The following TRHDE variants were observed in gnomAD, a reference collection of about 807,000 sequenced individuals.
TRHDE encodes thyrotropin releasing hormone degrading enzyme, also known as thyrotropin-releasing hormone-degrading ectoenzyme.
In TRHDE, 72 loss-of-function variants were observed where a neutral mutation model predicts 125.7. That is an observed-to-expected ratio of 0.57 (90% CI 0.47 to 0.70). TRHDE has a LOEUF of 0.70. TRHDE is among the 30% of genes least tolerant of loss of function. The pLI is 0.00. For synonymous variants in TRHDE, 509 were observed against 509.1 expected (o/e 1.00, Z 0.00); for missense variants, 1,110 against 1,327.1 (o/e 0.84, Z 2.54).
At chr12:72,604,494 TAAC>T (rs1872347260) in intron 12 of TRHDE, among the ~76,000 whole-genome samples, 1 of 152,074 alleles carries the variant, frequency 6.6e-6, no homozygotes, top group Admixed American at 6.5e-5. Flanking sequence ...TATTAAATAA[TAAC>T]AACAATGACT....
At chr12:72,160,564 C>T (rs1210847206) in intron 2 of TRHDE, among the ~76,000 whole-genome samples, 1 of 152,092 alleles carries the variant, frequency 6.6e-6, no homozygotes, top group Non-Finnish European at 1.5e-5. Context: ...TGGAGGGCAC[C>T]TGTAATCCCA....
chr12:72,126,503 G>A (rs149288758), intron 2 of TRHDE, among the ~76,000 whole-genome samples: 1 of 152,122 alleles, frequency 6.6e-6, no homozygotes, highest in African/African-American at 2.4e-5. Flanking sequence ...TCCAAAAACA[G>A]ACACAAGGAA....
chr12:72,472,897 G>A (rs1375926466), intron 4 of TRHDE, among the ~76,000 whole-genome samples, 170 bp from the exon 5 acceptor site: 18 of 152,092 alleles, frequency 1.2e-4, no homozygotes, highest in Admixed American at 1.2e-3. Context: ...TGTCACCCAA[G>A]TACTCAGATA....
At chr12:72,416,796 A>G (rs1001687142) in intron 3 of TRHDE, among the ~76,000 whole-genome samples, 17 of 152,046 alleles carry the variant, frequency 1.1e-4, no homozygotes, top group Non-Finnish European at 2.1e-4. Flanking sequence ...ATATAATTTG[A>G]AGTTAGGTAA....
intron 1 of TRHDE, among the ~76,000 whole-genome samples, chr12:72,091,945 CTCT>C (rs1460789710): frequency 1.8e-4 from 28 of 152,262 alleles, no homozygotes; most frequent in African/African-American, 5.5e-4. Context: ...GCAGAGAGCT[CTCT>C]TCTTCTTCCC....
intron 15 of TRHDE, among the ~76,000 whole-genome samples, chr12:72,632,296 A>T (rs10161229): frequency 6.6e-6 from 1 of 151,970 alleles, no homozygotes; most frequent in African/African-American, 2.4e-5. Flanking sequence ...GCTTTATATG[A>T]TAGCAGGTAC....
intron 3 of TRHDE, among the ~76,000 whole-genome samples, chr12:72,462,159 T>C (rs1461997255): frequency 6.6e-6 from 1 of 152,136 alleles, no homozygotes; most frequent in Non-Finnish European, 1.5e-5. Context: ...TGGATTGTGA[T>C]TGAGATGCTG....
chr12:72,150,817 T>C (rs1176031021), intron 2 of TRHDE, among the ~76,000 whole-genome samples: 1 of 151,926 alleles, frequency 6.6e-6, no homozygotes, highest in South Asian at 2.1e-4. Context: ...ATTTGGGTTG[T>C]TTCCAAGTCT....
At chr12:72,114,944 A>C (rs1254367245) in intron 2 of TRHDE, among the ~76,000 whole-genome samples, 2 of 152,076 alleles carry the variant, frequency 1.3e-5, no homozygotes, top group African/African-American at 4.8e-5. Flanking sequence ...TATTTAAAAA[A>C]ATTTCTTATT....
chr12:72,539,054 A>AT (rs1287150496), intron 6 of TRHDE, among the ~76,000 whole-genome samples: 1 of 152,006 alleles, frequency 6.6e-6, no homozygotes, highest in East Asian at 1.9e-4. Context: ...TATTCCTGTC[A>AT]TAACATGCAA....
At chr12:72,257,903 G>C (rs1184445499) in intron 2 of TRHDE, 1 of 152,114 alleles carries the variant, frequency 6.6e-6, no homozygotes, top group African/African-American at 2.4e-5. Context: ...ATAGGAGCAA[G>C]AAAAATTGCT....
At chr12:72,580,058 A>AT (rs948977563) in intron 12 of TRHDE, among the ~76,000 whole-genome samples, 2 of 152,154 alleles carry the variant, frequency 1.3e-5, no homozygotes, top group Admixed American at 1.3e-4. Flanking sequence ...TTTTAGAGTC[A>AT]TTTTGACAAA....
At chr12:72,617,604 A>G (rs969015272) in intron 12 of TRHDE, among the ~76,000 whole-genome samples, 7 of 146,742 alleles carry the variant, frequency 4.8e-5, no homozygotes, top group African/African-American at 1.1e-4. Context: ...CCTCTTCCCT[A>G]TGTTAACAGT....
chr12:72,578,226 G>A (rs1417587788), intron 12 of TRHDE, among the ~76,000 whole-genome samples: 2 of 152,124 alleles, frequency 1.3e-5, no homozygotes, highest in African/African-American at 2.4e-5. Flanking sequence ...AACCAGTGGA[G>A]TGGGTGTGGT....
At chr12:72,385,700 A>C (rs1872381378) in intron 3 of TRHDE, among the ~76,000 whole-genome samples, 1 of 152,090 alleles carries the variant, frequency 6.6e-6, no homozygotes, top group East Asian at 1.9e-4. Flanking sequence ...TTACTCTATA[A>C]TATGGCCATT....
At chr12:72,303,267 A>G (rs1004787842) in intron 2 of TRHDE, 3 of 152,170 alleles carry the variant, frequency 2.0e-5, no homozygotes, top group African/African-American at 7.2e-5. Flanking sequence ...CCCTTTTAAT[A>G]TTAGGAAACA....
chr12:72,331,742 AGGAAGTTGTGT>A (rs1869608853), intron 2 of TRHDE, among the ~76,000 whole-genome samples: 1 of 152,204 alleles, frequency 6.6e-6, no homozygotes, highest in Non-Finnish European at 1.5e-5. Context: ...CCCAACCTAG[AGGAAGTTGTGT>A]GGCAAGAGGT....
chr12:72,205,144 A>G (rs1299954831), intron 2 of TRHDE, among the ~76,000 whole-genome samples: 1 of 152,156 alleles, frequency 6.6e-6, no homozygotes, highest in Non-Finnish European at 1.5e-5. Context: ...CAGACTGCTT[A>G]TTCCTCAAAC....
chr12:72,496,094 G>C (rs1877902724), intron 5 of TRHDE, among the ~76,000 whole-genome samples: 1 of 152,084 alleles, frequency 6.6e-6, no homozygotes, highest in Non-Finnish European at 1.5e-5. Context: ...ACTTATCATG[G>C]TGGCCTTAAA....
Sources: gnomAD v4.1 joint callset for allele counts (sites outside exome capture counted in the v4.1 genomes callset) on GRCh38, gnomAD v4.1.1 for gene constraint, MANE v1.5 for transcripts, NCBI Gene and HGNC (gene_info 2026-07-23, HGNC 2026-07-21) for gene names.